IQCH: variants seen among roughly 807,000 people sequenced by gnomAD.
The protein encoded by IQCH is IQ domain-containing protein H.
IQCH carries 98 observed loss-of-function variants against 117.0 expected under a neutral mutation model. The ratio of observed to expected loss-of-function variants is 0.84; its 90% CI spans 0.71 to 0.99. The LOEUF (loss-of-function observed/expected upper bound fraction) is 0.99. IQCH is among the 50% of genes least tolerant of loss of function. The pLI is 0.00. For missense variants in IQCH, 1,102 were observed against 1,243.8 expected (o/e 0.89, Z 1.72); for synonymous variants, 412 against 448.2 (o/e 0.92, Z 1.02).
chr15:67,259,340 C>T (rs1965362361), intron 1 of IQCH, among the ~76,000 whole-genome samples: 1 of 152,196 alleles, frequency 6.6e-6, no homozygotes, highest in Admixed American at 6.5e-5. Flanking sequence ...TATATTGATT[C>T]ATTTTCATAC....
At chr15:67,434,785 C>CTTTTCTT (rs2082095758) in intron 16 of IQCH, among the ~76,000 whole-genome samples, 2 of 126,846 alleles carry the variant, frequency 1.6e-5, no homozygotes, top group African/African-American at 5.9e-5. Context: ...CTTTTCTTTT[C>CTTTTCTT]TTTTTTTTTT....
Position 67,376,671 on chromosome 15 carries a change from A to G in IQCH, c.1372+3238A>G, listed in dbSNP as rs1970746655. On this transcript the variant is annotated intron_variant, in intron 10 of 20. Transcript: ENST00000335894. The surrounding 1 kb of genome is among the most constrained non-coding windows in gnomAD (Gnocchi z 5.0). ...TGGTTATTTATGCAGTTTTGCACAC[A>G]TGGGAATAATTGCATTTTCCAAACT... Among the ~76,000 whole-genome samples, 1 of 152,266 alleles carries G rather than the reference A, an allele frequency of 6.6e-6. No individual in the cohort carries two copies. The highest frequency in any genetic ancestry group is 2.4e-5 in the African/African-American group (1 of 41,466).
At chr15:67,464,446 A>G (rs1210717210) in intron 16 of IQCH, among the ~76,000 whole-genome samples, 1 of 152,230 alleles carries the variant, frequency 6.6e-6, no homozygotes, top group Non-Finnish European at 1.5e-5. Flanking sequence ...TATTTTTTAA[A>G]GCATTTTTAT....
chr15:67,489,265 C>A (rs1346341888), intron 18 of IQCH, among the ~76,000 whole-genome samples: 2 of 151,914 alleles, frequency 1.3e-5, no homozygotes, highest in African/African-American at 2.4e-5. Flanking sequence ...GATCTCCTGA[C>A]CTCGTGATCC....
Position 67,427,780 on chromosome 15 carries a change from A to C in IQCH, c.2505+6203A>C, listed in dbSNP as rs2081926850. ...TAAATACACATATATTAATCACATCATTATTAAGAATAGCAAAATATTTCA... is the reference window on the plus strand; with the variant it reads ...TAAATACACATATATTAATCACATCCTTATTAAGAATAGCAAAATATTTCA... On this transcript the variant is annotated intron_variant, in intron 16 of 20. Coordinates refer to ENST00000335894, the MANE Select transcript of IQCH (RefSeq NM_001031715.3). This position sits in a 1 kb window ranked among gnomAD's most constrained non-coding sequence, Gnocchi z 4.7. Among the ~76,000 whole-genome samples the C allele has an allele frequency of 6.6e-6, 1 of 152,094 alleles. No individual in the cohort carries two copies. Among genetic ancestry groups the C allele is most frequent in the African/African-American group, 2.4e-5 (1 of 41,418 alleles).
chr15:67,333,178 T>G (rs1968741341), intron 4 of IQCH, among the ~76,000 whole-genome samples: 1 of 152,182 alleles, frequency 6.6e-6, no homozygotes. Flanking sequence ...AAGTATCACA[T>G]TGGTGATTAA....
chr15:67,374,339 G>C (rs962052130), intron 10 of IQCH, among the ~76,000 whole-genome samples: 1 of 152,176 alleles, frequency 6.6e-6, no homozygotes, highest in Admixed American at 6.6e-5. Context: ...CTTTGTTAAA[G>C]TCTTTTAAGT....
intron 4 of IQCH, among the ~76,000 whole-genome samples, chr15:67,285,113 G>A (rs755491813): frequency 1.3e-5 from 2 of 152,152 alleles, no homozygotes; most frequent in Admixed American, 1.3e-4. Context: ...AACCTCGCCA[G>A]CATCTGTTGT....
At chr15:67,310,432 CAAAT>C (rs1488601894) in intron 4 of IQCH, among the ~76,000 whole-genome samples, 22 of 151,774 alleles carry the variant, frequency 1.4e-4, no homozygotes, top group African/African-American at 2.4e-5. Context: ...AATAATCATA[CAAAT>C]AAATAAGCAA....
At chr15:67,352,432 A>G (rs1483004241) in intron 6 of IQCH, among the ~76,000 whole-genome samples, 1 of 152,066 alleles carries the variant, frequency 6.6e-6, no homozygotes, top group Non-Finnish European at 1.5e-5. Flanking sequence ...GACTTTCAAT[A>G]CTGCATTCAC....
At chr15:67,322,664 T>A (rs1968193314) in intron 4 of IQCH, among the ~76,000 whole-genome samples, 1 of 152,186 alleles carries the variant, frequency 6.6e-6, no homozygotes, top group Non-Finnish European at 1.5e-5. Flanking sequence ...TGTGTTCAGT[T>A]GTTCCTGAGC....
chr15:67,472,291 T>TGGGGAAGTGGGAAGCA lies in IQCH; in HGVS notation c.2677-3402_2677-3387dup, dbSNP rs2083089568. Among the ~76,000 whole-genome samples the TGGGGAAGTGGGAAGCA allele has an allele frequency of 1.3e-5, 2 of 152,038 alleles. No individual in the cohort carries two copies. The highest frequency in any genetic ancestry group is 1.3e-4 in the Admixed American group (2 of 15,254). On this transcript the variant is annotated intron_variant, in intron 17 of 20. Coordinates refer to ENST00000335894, the MANE Select transcript of IQCH (RefSeq NM_001031715.3). The surrounding 1 kb of genome is among the most constrained non-coding windows in gnomAD (Gnocchi z 4.3). ...AACCAGTCAGACTGGAGCACAGAAC[T>TGGGGAAGTGGGAAGCA]GGGGAAGTGGGAAGCAGGAGAAGTA...
intron 4 of IQCH, among the ~76,000 whole-genome samples, chr15:67,313,207 A>G (rs1469899073): frequency 6.6e-6 from 1 of 152,144 alleles, no homozygotes; most frequent in African/African-American, 2.4e-5. Flanking sequence ...GTTGGCAACT[A>G]AGAGGTCTGA....
intron 15 of IQCH, 88 bp from the exon 16 acceptor site, chr15:67,421,203 T>C: frequency 2.7e-6 from 3 of 1,119,954 alleles, no homozygotes; most frequent in Non-Finnish European, 3.8e-6. Context: ...TTGCCCAAAG[T>C]CTTTCAAGAC....
chr15:67,397,589 T>C (rs1971512454), intron 13 of IQCH, among the ~76,000 whole-genome samples: 1 of 152,218 alleles, frequency 6.6e-6, no homozygotes, highest in Non-Finnish European at 1.5e-5. Flanking sequence ...TGGGGATGAA[T>C]CAATAACACT....
chr15:67,367,966 G>A (rs1970394480), intron 8 of IQCH, among the ~76,000 whole-genome samples: 1 of 152,146 alleles, frequency 6.6e-6, no homozygotes, highest in Admixed American at 6.5e-5. Context: ...TAACCTCTCT[G>A]AGCCTCAGTT....
At chr15:67,258,622 A>G (rs1371636340) in intron 1 of IQCH, among the ~76,000 whole-genome samples, 2 of 152,122 alleles carry the variant, frequency 1.3e-5, no homozygotes, top group Non-Finnish European at 1.5e-5. Flanking sequence ...ATGGAATTTT[A>G]TATTGCTTTT....
rs1229616965 is a variant in IQCH at position 67,490,041 on chromosome 15, G to C, written c.2838G>C (p.Leu946=). The change falls in exon 19 of 21, where the codon CTG becomes CTC. Residue 946 remains leucine (L), a synonymous_variant. Transcript: ENST00000335894. This position sits in a 1 kb window ranked among gnomAD's most constrained non-coding sequence, Gnocchi z 4.9. ...QGTVFILYEH[L]KRHKLGMLTI... The stretch of plus-strand genomic sequence containing the variant: ...CTGTTTTTATATTATATGAGCACCT[G>C]AAGAGACACAAGTTGGGAATGTTGT... 6.2e-7 allele frequency: 1 copy of C among 1,612,388 alleles called. No individual in the cohort carries two copies. The highest frequency in any genetic ancestry group is 2.2e-5 in the East Asian group (1 of 44,854).
At chr15:67,336,005 A>T (rs925868239) in intron 4 of IQCH, among the ~76,000 whole-genome samples, 1 of 152,018 alleles carries the variant, frequency 6.6e-6, no homozygotes, top group African/African-American at 2.4e-5. Flanking sequence ...CTTAATGGCA[A>T]TAAGGTATTG....
Sources: gnomAD v4.1 joint callset for allele counts (sites outside exome capture counted in the v4.1 genomes callset) on GRCh38, gnomAD v4.1.1 for gene constraint, Gnocchi (gnomAD v3.1) non-coding constraint, MANE v1.5 for transcripts, NCBI Gene and HGNC (gene_info 2026-07-23, HGNC 2026-07-21) for gene names.